Variants in CPEB3 observed in about 807,000 individuals in gnomAD.
The protein encoded by CPEB3 is cytoplasmic polyadenylation element-binding protein 3.
In CPEB3, 20 loss-of-function variants were observed where a neutral mutation model predicts 67.2. The observed-to-expected ratio is 0.30, with a 90% CI of 0.21 to 0.43. CPEB3 has a LOEUF of 0.43. Ranked by LOEUF, CPEB3 falls within the 20% of genes least tolerant of loss-of-function variation. CPEB3 has a pLI of 1.00. For synonymous variants in CPEB3, 376 were observed against 393.1 expected (o/e 0.96, Z 0.51); for missense variants, 746 against 968.6 (o/e 0.77, Z 3.05).
chr10:92,174,860 A>C (rs1054128839), intron 4 of CPEB3, among the ~76,000 whole-genome samples: 2 of 152,162 alleles, frequency 1.3e-5, no homozygotes, highest in Non-Finnish European at 2.9e-5. Flanking sequence ...CAAAGCTATG[A>C]TCTTCAAAAA....
chr10:92,067,818 C>T (rs1024602186), intron 9 of CPEB3, among the ~76,000 whole-genome samples: 2 of 151,828 alleles, frequency 1.3e-5, no homozygotes, highest in Non-Finnish European at 2.9e-5. Flanking sequence ...AACTCCATCT[C>T]GAAAAAATAA....
chr10:92,145,745 T>C (rs1423452210), intron 4 of CPEB3, among the ~76,000 whole-genome samples: 1 of 152,198 alleles, frequency 6.6e-6, no homozygotes, highest in African/African-American at 2.4e-5. Flanking sequence ...TCAGCAGCTA[T>C]GTTTTTTTCT....
In CPEB3 at chr10:92,237,277, T is replaced by C. The variant is rs1165326069; in HGVS notation, c.1005+2069A>G. On this transcript the variant is annotated intron_variant, in intron 2 of 9. Coordinates refer to ENST00000265997, the MANE Select transcript of CPEB3 (RefSeq NM_014912.5). ...TATGAAAAAGAAATGAGACATAATG[T>C]ATATGTAATTCTTCCCAAGGCCAAA... Among the ~76,000 whole-genome samples, 5 of 152,308 alleles carry C rather than the reference T, an allele frequency of 3.3e-5. No homozygotes were observed. In the East Asian group the frequency reaches 9.6e-4, roughly 29 times the overall value.
intron 1 of CPEB3, among the ~76,000 whole-genome samples, chr10:92,246,804 G>A (rs1852091746): frequency 1.3e-5 from 2 of 151,994 alleles, no homozygotes; most frequent in African/African-American, 2.4e-5. Context: ...CACCACGCCC[G>A]GCCTAGGATG....
chr10:92,083,015 T>G (rs773800957), intron 8 of CPEB3, among the ~76,000 whole-genome samples: 1 of 152,156 alleles, frequency 6.6e-6, no homozygotes, highest in South Asian at 2.1e-4. Flanking sequence ...TAGATGTCTA[T>G]GAACAAAAGG....
At chr10:92,132,800 AAATCACAAT>A (rs1845907395) in intron 6 of CPEB3, among the ~76,000 whole-genome samples, 2 of 152,224 alleles carry the variant, frequency 1.3e-5, no homozygotes, top group African/African-American at 4.8e-5. Context: ...GAAAGAACAG[AAATCACAAT>A]AAACTGTCTC....
intron 2 of CPEB3, among the ~76,000 whole-genome samples, chr10:92,214,943 G>A (rs1403633732): frequency 6.6e-6 from 1 of 151,966 alleles, no homozygotes; most frequent in African/African-American, 2.4e-5. Flanking sequence ...TGCTTCCTGG[G>A]TTCAAGTGAT....
chr10:92,247,945 A>G (rs1237236778), intron 1 of CPEB3, among the ~76,000 whole-genome samples: 1 of 152,146 alleles, frequency 6.6e-6, no homozygotes, highest in African/African-American at 2.4e-5. Flanking sequence ...TCTAGGCTGG[A>G]GTGCAGTGGT....
chr10:92,227,462 C>A (rs1247676510), intron 2 of CPEB3, among the ~76,000 whole-genome samples: 1 of 152,162 alleles, frequency 6.6e-6, no homozygotes, highest in Non-Finnish European at 1.5e-5. Context: ...AAATCCCATC[C>A]CTTTGATCAG....
intron 6 of CPEB3, chr10:92,119,151 C>T (rs75557361): frequency 4.2e-5 from 67 of 1,582,164 alleles, no homozygotes; most frequent in Middle Eastern, 1.7e-4. Context: ...TCTGTAGGGC[C>T]GGCAGCCATA....
At chr10:92,221,959 C>A (rs1441921567) in intron 2 of CPEB3, among the ~76,000 whole-genome samples, 1 of 152,164 alleles carries the variant, frequency 6.6e-6, no homozygotes, top group African/African-American at 2.4e-5. Flanking sequence ...GTGCCTTTAT[C>A]TTGGACTTTC....
intron 1 of CPEB3, among the ~76,000 whole-genome samples, chr10:92,250,113 A>C (rs957011977): frequency 6.6e-6 from 1 of 151,732 alleles, no homozygotes; most frequent in African/African-American, 2.4e-5. Context: ...TTTGAGACAG[A>C]GTCTTGCTCT....
At chr10:92,168,332 A>C (rs1847840763) in intron 4 of CPEB3, among the ~76,000 whole-genome samples, 1 of 152,210 alleles carries the variant, frequency 6.6e-6, no homozygotes, top group Non-Finnish European at 1.5e-5. Flanking sequence ...CTAATAGAAA[A>C]GTGTTTTTAC....
chr10:92,195,301 G>C (rs1338542059), intron 2 of CPEB3, among the ~76,000 whole-genome samples: 1 of 152,152 alleles, frequency 6.6e-6, no homozygotes, highest in Non-Finnish European at 1.5e-5. Flanking sequence ...CCCTTGGATA[G>C]GAAAGAGACA....
In CPEB3 at chr10:92,051,268, A is replaced by G. The variant is rs1841888274; in HGVS notation, c.*944T>C. 1 of 152,722 alleles carries G rather than the reference A, an allele frequency of 6.5e-6. No individual in the cohort carries two copies. The highest frequency in any genetic ancestry group is 1.5e-5 in the Non-Finnish European group (1 of 68,008). The allele number at this position is 152,722 out of a possible 1,614,324, so 9.5% of individuals were successfully genotyped here. ...ATTTTTATAGCTTATATAGATTCTT[A>G]ATTTGTGCATTGTGGGAACGTTTTA... On this transcript the variant is annotated 3_prime_UTR_variant, in exon 10 of 10. Coordinates refer to ENST00000265997, the MANE Select transcript of CPEB3 (RefSeq NM_014912.5).
At chr10:92,197,782 C>T (rs1438043378) in intron 2 of CPEB3, among the ~76,000 whole-genome samples, 1 of 152,148 alleles carries the variant, frequency 6.6e-6, no homozygotes, top group Non-Finnish European at 1.5e-5. Flanking sequence ...TCTCACAGCC[C>T]TATTAAGTAG....
intron 6 of CPEB3, among the ~76,000 whole-genome samples, chr10:92,138,914 GCACTATT>G (rs1271644856): frequency 6.6e-6 from 1 of 152,176 alleles, no homozygotes; most frequent in African/African-American, 2.4e-5. Context: ...GTTTGTTGCA[GCACTATT>G]CACAATAGCC....
intron 6 of CPEB3, among the ~76,000 whole-genome samples, chr10:92,115,883 G>A (rs1289805866): frequency 6.6e-6 from 1 of 152,196 alleles, no homozygotes; most frequent in East Asian, 1.9e-4. Context: ...CAGTGATTTG[G>A]ATTTGGTCCA....
intron 1 of CPEB3, chr10:92,243,316 G>T (rs1851927733): frequency 6.6e-6 from 1 of 152,050 alleles, no homozygotes; most frequent in Non-Finnish European, 1.5e-5. Context: ...GAACTGTGGG[G>T]GCTGAAGTCC....
Sources: gnomAD v4.1 joint callset for allele counts (sites outside exome capture counted in the v4.1 genomes callset) on GRCh38, gnomAD v4.1.1 for gene constraint, MANE v1.5 for transcripts, NCBI Gene and HGNC (gene_info 2026-07-23, HGNC 2026-07-21) for gene names.